Variants in EBF1 observed in about 807,000 individuals in gnomAD.
EBF1 encodes the protein transcription factor COE1.
A neutral mutation model predicts 68.4 loss-of-function variants in EBF1; 10 were observed. The observed-to-expected ratio is 0.15, with a 90% CI of 0.09 to 0.25. The LOEUF is 0.25. Ranked by LOEUF, EBF1 falls within the 10% of genes least tolerant of loss-of-function variation. EBF1 has a pLI of 1.00. For missense variants in EBF1, 509 were observed against 794.4 expected (o/e 0.64, Z 4.32); for synonymous variants, 298 against 299.8 (o/e 0.99, Z 0.06).
intron 10 of EBF1, among the ~76,000 whole-genome samples, chr5:158,743,443 A>G (rs1453555709): frequency 6.6e-6 from 1 of 152,214 alleles, no homozygotes; most frequent in Non-Finnish European, 1.5e-5. Flanking sequence ...GTGCCTTGCT[A>G]AGAGCAGGTA....
intron 8 of EBF1, among the ~76,000 whole-genome samples, chr5:158,807,592 T>C (rs559391707): frequency 6.6e-6 from 1 of 152,326 alleles, no homozygotes; most frequent in East Asian, 1.9e-4. Flanking sequence ...GTGCAACTTA[T>C]ATAAATCCTC....
intron 1 of EBF1, 26 bp from the exon 2 acceptor site, chr5:159,097,156 T>C (rs771898526): frequency 1.1e-5 from 17 of 1,608,004 alleles, no homozygotes; most frequent in Middle Eastern, 1.7e-4. Flanking sequence ...CAGAGTTAGA[T>C]GGCTAAACCG....
At chr5:158,766,249 G>T (rs965201885) in intron 10 of EBF1, among the ~76,000 whole-genome samples, 2 of 152,004 alleles carry the variant, frequency 1.3e-5, no homozygotes, top group Non-Finnish European at 2.9e-5. Flanking sequence ...TTATGGCTGA[G>T]AAAAAAATCT....
intron 6 of EBF1, among the ~76,000 whole-genome samples, chr5:158,895,376 G>A (rs534366388): frequency 1.3e-5 from 2 of 152,248 alleles, no homozygotes; most frequent in East Asian, 3.9e-4. Context: ...AAATTGTAAC[G>A]ATAATATTTG....
chr5:158,814,358 T>G (rs1026401744), intron 8 of EBF1, among the ~76,000 whole-genome samples: 4 of 151,906 alleles, frequency 2.6e-5, no homozygotes, highest in African/African-American at 9.7e-5. Flanking sequence ...AAAAAAAAAG[T>G]TTTTACATAA....
chr5:159,067,042 G>A (rs1448228776), intron 6 of EBF1, among the ~76,000 whole-genome samples: 1 of 152,152 alleles, frequency 6.6e-6, no homozygotes, highest in Admixed American at 6.5e-5. Flanking sequence ...ACTAAATGGA[G>A]TTTTTTAAAT....
chr5:159,030,546 G>T (rs530313213), intron 6 of EBF1, among the ~76,000 whole-genome samples: 2 of 152,328 alleles, frequency 1.3e-5, no homozygotes, highest in Admixed American at 1.3e-4. Flanking sequence ...CCTTTGTGTG[G>T]ATCCTTACAG....
intron 15 of EBF1, among the ~76,000 whole-genome samples, chr5:158,702,901 G>C (rs540686637): frequency 6.6e-6 from 1 of 152,112 alleles, no homozygotes; most frequent in Non-Finnish European, 1.5e-5. Flanking sequence ...ATCTAGGGTT[G>C]AGAAGAGCCA....
At chr5:158,993,612 C>G (rs933835569) in intron 6 of EBF1, among the ~76,000 whole-genome samples, 2 of 152,204 alleles carry the variant, frequency 1.3e-5, no homozygotes, top group African/African-American at 4.8e-5. Flanking sequence ...TTTCACTACT[C>G]TGAGCCTTCT....
At chr5:158,819,658 G>T (rs1474420279) in intron 8 of EBF1, among the ~76,000 whole-genome samples, 7 of 152,166 alleles carry the variant, frequency 4.6e-5, no homozygotes, top group Non-Finnish European at 8.8e-5. Context: ...CAGCCACTCA[G>T]CTCCTTTCAT....
At chr5:158,762,681 G>A (rs1228829358) in intron 10 of EBF1, among the ~76,000 whole-genome samples, 1 of 151,926 alleles carries the variant, frequency 6.6e-6, no homozygotes, top group African/African-American at 2.4e-5. Context: ...GACTACAGGC[G>A]CCCGCCACTG....
At chr5:158,818,626 A>C (rs7710925) in intron 8 of EBF1, among the ~76,000 whole-genome samples, 78,764 of 151,994 alleles carry the variant, frequency 0.52, 21,637 homozygotes, top group South Asian at 0.7. Context: ...ACCAAACTCC[A>C]CTATTGTTTT....
rs571913810 is a variant in EBF1 at position 159,085,845 on chromosome 5, T to C, written c.412-1106A>G. Among the ~76,000 whole-genome samples the C allele has an allele frequency of 2.6e-5, 4 of 152,230 alleles. No individual in the cohort carries two copies. In the South Asian group the frequency reaches 8.3e-4, roughly 32 times the overall value. ...AACTTGTAGTTGACTCTAACGTGCTTTGTTTTTGAACCTGGGACTTTCAGA... is the reference window on the plus strand; with the variant it reads ...AACTTGTAGTTGACTCTAACGTGCTCTGTTTTTGAACCTGGGACTTTCAGA... On this transcript the variant is annotated intron_variant, in intron 4 of 15. Coordinates refer to ENST00000313708, the MANE Select transcript of EBF1 (RefSeq NM_024007.5).
chr5:158,898,630 T>C (rs1802642610), intron 6 of EBF1, among the ~76,000 whole-genome samples: 2 of 152,246 alleles, frequency 1.3e-5, no homozygotes, highest in African/African-American at 4.8e-5. Context: ...TTCATTTCCT[T>C]CACTTCTGCT....
intron 6 of EBF1, among the ~76,000 whole-genome samples, chr5:159,060,933 T>C (rs904703296): frequency 5.9e-4 from 85 of 143,786 alleles, no homozygotes; most frequent in African/African-American, 1.8e-3. Context: ...TAAAGCTACA[T>C]ACACACACAC....
intron 8 of EBF1, among the ~76,000 whole-genome samples, chr5:158,809,109 G>A (rs1247308915): frequency 6.6e-6 from 1 of 152,002 alleles, no homozygotes; most frequent in Non-Finnish European, 1.5e-5. Context: ...TTGCAGACAG[G>A]GACCTCATTC....
chr5:158,899,880 C>T (rs184295922), intron 6 of EBF1, among the ~76,000 whole-genome samples: 2 of 152,294 alleles, frequency 1.3e-5, no homozygotes, highest in Non-Finnish European at 2.9e-5. Flanking sequence ...CTTCCTACCA[C>T]CCCCTACATC....
intron 4 of EBF1, among the ~76,000 whole-genome samples, chr5:159,088,556 A>T (rs1396965289): frequency 6.6e-6 from 1 of 152,142 alleles, no homozygotes; most frequent in East Asian, 1.9e-4. Flanking sequence ...CAGCTGGGAG[A>T]TCACAGAAGC....
At chr5:158,820,550 T>C (rs1383674485) in intron 8 of EBF1, among the ~76,000 whole-genome samples, 1 of 152,186 alleles carries the variant, frequency 6.6e-6, no homozygotes, top group East Asian at 1.9e-4. Context: ...TCTATGCTAT[T>C]GTCATTACTA....
Sources: allele counts gnomAD v4.1 joint callset (sites outside exome capture counted in the v4.1 genomes callset), GRCh38; gene constraint gnomAD v4.1.1; transcripts MANE v1.5; gene names NCBI Gene and HGNC (gene_info 2026-07-23, HGNC 2026-07-21).